Variants in ZNF469 observed in about 807,000 individuals in gnomAD.
ZNF469 encodes the protein zinc finger protein 469.
In ZNF469, 1 loss-of-function variant was observed where a neutral mutation model predicts 1.0. The ratio of observed to expected loss-of-function variants is 1.00; its 90% confidence interval spans 0.35 to 4.73. ZNF469 has a LOEUF of 4.73. Among genes scored for constraint, ZNF469 ranks in the 30% most tolerant of loss-of-function variants. The probability of loss-of-function intolerance (pLI) is 0.16; values close to 1 mark genes in which losing one functional copy is unlikely to be tolerated. For missense variants in ZNF469, 6,100 were observed against 5,356.3 expected, an observed-to-expected ratio of 1.14 and a Z score of -4.33; for synonymous variants, 2,703 against 2,363.4, an observed-to-expected ratio of 1.14 and a Z score of -4.17.
chr16:88,396,329 G>A (rs1264948638), intron 1 of ZNF469, among the ~76,000 whole-genome samples: 1 of 152,252 alleles, frequency 6.6e-6, no homozygotes, highest in Non-Finnish European at 1.5e-5. Flanking sequence ...CCAAACTCAA[G>A]AGACCCTCCT....
the ZNF469 span, among the ~76,000 whole-genome samples, chr16:88,117,138 G>A: frequency 6.6e-6 from 1 of 151,988 alleles, no homozygotes; most frequent in South Asian, 2.1e-4. Context: ...GAGGGCCAGG[G>A]ATATGTGAGA....
rs369054897 is a variant in ZNF469, at chr16:88,416,081, C to T, written c.-191-8726C>T. On this transcript the variant is annotated intron_variant, in intron 1 of 2. Coordinates refer to ENST00000565624, the MANE Select transcript of ZNF469 (RefSeq NM_001367624.2). ...GAGGCTGATATGATTCCGAACCCCA[C>T]AGCAGCGGGAGAGTAATTAACGCAG... Among the ~76,000 whole-genome samples the T allele has an allele frequency of 6.7e-4, 102 of 152,344 alleles. 4 individuals are homozygous for T. In the South Asian group the frequency reaches 0.02, roughly 31 times the overall value.
chr16:88,311,005 C>T, the ZNF469 span, among the ~76,000 whole-genome samples: 5 of 152,300 alleles, frequency 3.3e-5, no homozygotes, highest in Middle Eastern at 3.4e-3. Flanking sequence ...GGACCACATC[C>T]GGATCCCACC....
Position 88,430,813 on chromosome 16 carries a change from C to T in ZNF469, c.3343C>T (p.Arg1115Trp), listed in dbSNP as rs958736658. 15 of 1,531,210 alleles carry T rather than the reference C, an allele frequency of 9.8e-6. No homozygotes were observed. The African/African-American group carries it at 1.7e-4, about 17-fold the overall frequency. The allele number at this position is 1,531,210 out of a possible 1,614,324, so 94.9% of individuals were successfully genotyped here. ...GCGGGGCCCCGGCTTCAGAGGCCGG[C>T]GGGGCCGAGGCGAGAAGAGGAAGGA... ...PPRGPGFRGR[R>W]GRGEKRKEVE... Residue 1115 changes from arginine to tryptophan, a missense_variant, in exon 3 of 3, where the codon CGG (arginine) becomes TGG (tryptophan). Arg to Trp is a moderately radical substitution (Grantham distance 101). Transcript: ENST00000565624.
chr16:88,189,820 G>A, the ZNF469 span, among the ~76,000 whole-genome samples: 1 of 152,226 alleles, frequency 6.6e-6, no homozygotes, highest in Non-Finnish European at 1.5e-5. This position sits in a 1 kb window ranked among gnomAD's most constrained non-coding sequence, Gnocchi z 4.3. Context: ...TTGGGAGGCT[G>A]AAGCAGGAGA....
Position 88,432,144 on chromosome 16 carries a change from C to T in ZNF469, c.4674C>T (p.Ser1558=), listed in dbSNP as rs546141547. ...GCSVALMSHL[S]EDELEIQKLV... ...GCGTTGCTCTTATGAGTCACCTGTC[C>T]GAGGATGAACTGGAGATCCAGAAAT... is the stretch of plus-strand genomic sequence containing the variant. Residue 1558 remains serine, a synonymous_variant, in exon 3 of 3, where the codon TCC becomes TCT. Transcript: ENST00000565624. The T allele has an allele frequency of 4.3e-5, 66 of 1,550,154 alleles. No individual in the cohort carries two copies. Among genetic ancestry groups the T allele is most frequent in the Non-Finnish European group, 5.7e-5 (65 of 1,146,980 alleles).
the ZNF469 span, among the ~76,000 whole-genome samples, chr16:88,270,319 G>T: frequency 1.3e-5 from 2 of 152,194 alleles, no homozygotes; most frequent in Non-Finnish European, 2.9e-5. Context: ...GAGGAGATCT[G>T]GTTGGCTGCT....
chr16:88,432,438 G>T lies in ZNF469; in HGVS notation c.4968G>T (p.Gly1656=), dbSNP rs1332876188. ...AAGCGGTTCAGGGGAGGCCTGGGGG[G>T]ACGTGGCCCTGCCCAGCCTCCTTCC... ...TVEAVQGRPG[G]TWPCPASFHP... Residue 1656 remains glycine, a synonymous_variant, in exon 3 of 3, where the codon GGG becomes GGT. Transcript: ENST00000565624. The T allele has an allele frequency of 2.6e-6, 4 of 1,550,110 alleles. No homozygotes were observed. In the African/African-American group the frequency reaches 4.1e-5, roughly 16 times the overall value.
chr16:88,173,501 T>G, the ZNF469 span, among the ~76,000 whole-genome samples: 1 of 152,224 alleles, frequency 6.6e-6, no homozygotes, highest in Non-Finnish European at 1.5e-5. Context: ...ATTTCTTTAT[T>G]TTTCTTCTTT....
At chr16:88,276,248 G>A in the ZNF469 span, among the ~76,000 whole-genome samples, 1 of 152,164 alleles carries the variant, frequency 6.6e-6, no homozygotes, top group Non-Finnish European at 1.5e-5. Context: ...GTGCGTGTAA[G>A]CGAGTGTGCT....
chr16:88,205,292 C>T, the ZNF469 span, among the ~76,000 whole-genome samples: 1 of 152,188 alleles, frequency 6.6e-6, no homozygotes, highest in Non-Finnish European at 1.5e-5. The surrounding 1 kb of genome is among the most constrained non-coding windows in gnomAD (Gnocchi z 4.2). Context: ...TATGTCCCGG[C>T]TTCCTCGAAG....
the ZNF469 span, among the ~76,000 whole-genome samples, chr16:88,245,202 ACAGT>A: frequency 3.9e-5 from 6 of 152,230 alleles, no homozygotes; most frequent in Admixed American, 3.9e-4. Context: ...CAGCAGAGGT[ACAGT>A]CATGTGAGCC....
the ZNF469 span, among the ~76,000 whole-genome samples, chr16:88,110,947 GCA>G: frequency 1.3e-5 from 2 of 152,278 alleles, no homozygotes; most frequent in Admixed American, 6.5e-5. Context: ...GCCAGCAATG[GCA>G]CAGTGTCCGT....
At chr16:88,236,853 C>CA in the ZNF469 span, among the ~76,000 whole-genome samples, 1,969 of 139,576 alleles carry the variant, frequency 0.014, 33 homozygotes, top group African/African-American at 0.047. Flanking sequence ...GACTCTGTCT[C>CA]AAAAAAAAAA....
At chr16:88,230,009 C>A in the ZNF469 span, among the ~76,000 whole-genome samples, 1 of 152,206 alleles carries the variant, frequency 6.6e-6, no homozygotes, top group African/African-American at 2.4e-5. Flanking sequence ...AGGGCCCTTT[C>A]TGTCCGGTCC....
At chr16:88,381,663 C>T (rs1247930930), upstream of ZNF469, among the ~76,000 whole-genome samples, 1 of 152,266 alleles carries the variant, frequency 6.6e-6, no homozygotes, top group East Asian at 1.9e-4. Context: ...CCAGATGATG[C>T]CATGGAAATG....
At chr16:88,177,864 C>A in the ZNF469 span, 1 of 152,212 alleles carries the variant, frequency 6.6e-6, no homozygotes, top group Non-Finnish European at 1.5e-5. This position sits in a 1 kb window ranked among gnomAD's most constrained non-coding sequence, Gnocchi z 4.8. Flanking sequence ...TGCACCACCA[C>A]ACCCGGCTAA....
the ZNF469 span, among the ~76,000 whole-genome samples, chr16:88,181,749 A>G: frequency 6.6e-6 from 1 of 152,234 alleles, no homozygotes; most frequent in Admixed American, 6.5e-5. Context: ...TTAAAAGCCT[A>G]GAAAAGGAAG....
the ZNF469 span, among the ~76,000 whole-genome samples, chr16:88,270,703 C>T: frequency 0.32 from 49,237 of 152,194 alleles, 8,801 homozygotes; most frequent in East Asian, 0.52. Context: ...TTTCCTCTGC[C>T]TCTTGTTTTT....
Sources: gnomAD v4.1 joint callset for allele counts (sites outside exome capture counted in the v4.1 genomes callset) on GRCh38, gnomAD v4.1.1 for gene constraint, Gnocchi (gnomAD v3.1) non-coding constraint, MANE v1.5 for transcripts, NCBI Gene and HGNC (gene_info 2026-07-23, HGNC 2026-07-21) for gene names.